VIPR2: variants seen among roughly 807,000 people sequenced by gnomAD.
VIPR2 encodes the protein vasoactive intestinal polypeptide receptor 2.
In VIPR2, 48 loss-of-function variants were observed where a neutral mutation model predicts 58.0. That is an observed-to-expected ratio of 0.83 (90% CI 0.66 to 1.05). The LOEUF (loss-of-function observed/expected upper bound fraction) is 1.05, where lower values mean the gene tolerates loss of function less well. Ranked by LOEUF, VIPR2 falls within the 50% of genes least tolerant of loss-of-function variation. The pLI is 0.00. For missense variants in VIPR2, 534 were observed against 558.0 expected (o/e 0.96, Z 0.43); for synonymous variants, 243 against 235.2 (o/e 1.03, Z -0.30).
chr7:159,076,536 G>A (rs559736311), intron 4 of VIPR2, among the ~76,000 whole-genome samples: 3 of 152,288 alleles, frequency 2.0e-5, no homozygotes, highest in African/African-American at 7.2e-5. Flanking sequence ...AGCAAGTTTT[G>A]TATTATTGTA....
chr7:159,106,134 C>T (rs1858633229), intron 3 of VIPR2, among the ~76,000 whole-genome samples: 1 of 152,252 alleles, frequency 6.6e-6, no homozygotes, highest in South Asian at 2.1e-4. Context: ...AGCCTGGAAG[C>T]CAGGACCTCG....
intron 2 of VIPR2, among the ~76,000 whole-genome samples, chr7:159,119,731 G>A (rs750088285): frequency 1.6e-4 from 24 of 152,248 alleles, no homozygotes; most frequent in Non-Finnish European, 2.2e-4. Flanking sequence ...CCAGGGTGGG[G>A]TCAGGTGGGC....
Position 159,141,146 on chromosome 7 carries a change from G to A in VIPR2, c.151+1300C>T, listed in dbSNP as rs191487318. ...AAGGACCTCCCATGGCCACGCTGCT[G>A]CTTCTGCCGTGGCAGACTGGCTGCC... On this transcript the variant is annotated intron_variant, in intron 2 of 12. Coordinates refer to ENST00000262178, the MANE Select transcript of VIPR2 (RefSeq NM_003382.5). Among the ~76,000 whole-genome samples the A allele has an allele frequency of 2.2e-4, 34 of 152,322 alleles. 1 individual carries two copies. In the East Asian group the frequency reaches 6.0e-3, roughly 27 times the overall value.
At chr7:159,059,415 T>C (rs2129494036) in intron 4 of VIPR2, 2 of 461,398 alleles carry the variant, frequency 4.3e-6, no homozygotes, top group South Asian at 1.6e-5. Flanking sequence ...TTTATTTTTG[T>C]CAAGAGGCCC....
At chr7:159,057,914 C>T (rs1451968884) in intron 5 of VIPR2, among the ~76,000 whole-genome samples, 1 of 152,314 alleles carries the variant, frequency 6.6e-6, no homozygotes. Flanking sequence ...TTAATAAGCC[C>T]TCATCACAAC....
In VIPR2 at chr7:159,030,558, G is replaced by A. The variant is rs1346423851; in HGVS notation, c.*58C>T. 6.1e-6 allele frequency: 9 copies of A among 1,471,644 alleles called. No individual in the cohort carries two copies. The highest frequency in any genetic ancestry group is 8.1e-6 in the Non-Finnish European group (9 of 1,107,582). The allele number at this position is 1,471,644 out of a possible 1,614,324, so 91.2% of individuals were successfully genotyped here. ...CTGGAAGGAGGAAGCCGGCGTCTCA[G>A]CCCCGCAGAAGCCCCGAACCGTGGG... On this transcript the variant is annotated 3_prime_UTR_variant, in exon 13 of 13. Coordinates refer to ENST00000262178, the MANE Select transcript of VIPR2 (RefSeq NM_003382.5).
chr7:159,140,333 C>T (rs990016227), intron 2 of VIPR2, among the ~76,000 whole-genome samples: 2 of 152,198 alleles, frequency 1.3e-5, no homozygotes, highest in East Asian at 1.9e-4. Flanking sequence ...AGACGCCTGC[C>T]TCAGCCTCAG....
rs1857629019 is a variant in VIPR2 at position 159,093,656 on chromosome 7, C to G, written c.357+10101G>C. Among the ~76,000 whole-genome samples, 1 of 152,098 alleles carries G rather than the reference C, an allele frequency of 6.6e-6. No individual in the cohort carries two copies. The highest frequency in any genetic ancestry group is 1.9e-4 in the East Asian group (1 of 5,178). On this transcript the variant is annotated intron_variant, in intron 4 of 12. Transcript: ENST00000262178. The surrounding 1 kb of genome is among the most constrained non-coding windows in gnomAD (Gnocchi z 6.7). ...CAGGTGCCCACAGCGTCCCTGGGTC[C>G]AGACATGGAAGACCCCACAGCGTCC...
chr7:159,117,051 T>C, intron 2 of VIPR2: 1 of 460,900 alleles, frequency 2.2e-6, no homozygotes, highest in South Asian at 3.7e-5. Context: ...TATACTCCAT[T>C]TTGTCCTCCC....
At chr7:159,071,130 G>T (rs1427845437) in intron 4 of VIPR2, among the ~76,000 whole-genome samples, 3 of 152,232 alleles carry the variant, frequency 2.0e-5, no homozygotes, top group Admixed American at 1.3e-4. Context: ...GGGTTGCACA[G>T]ACATTCATTC....
At chr7:159,049,038 T>C (rs530707702) in intron 5 of VIPR2, among the ~76,000 whole-genome samples, 1 of 152,324 alleles carries the variant, frequency 6.6e-6, no homozygotes, top group South Asian at 2.1e-4. Context: ...CTGCACCCTC[T>C]GTGGACTCTG....
At chr7:159,040,007 G>A (rs964602663) in intron 6 of VIPR2, among the ~76,000 whole-genome samples, 5 of 152,368 alleles carry the variant, frequency 3.3e-5, no homozygotes, top group Non-Finnish European at 7.3e-5. Flanking sequence ...TCTGCTGAAG[G>A]AGCAAAGAGG....
chr7:159,035,245 C>CG (rs1001253578), intron 8 of VIPR2, among the ~76,000 whole-genome samples: 9 of 152,128 alleles, frequency 5.9e-5, no homozygotes, highest in African/African-American at 2.2e-4. Flanking sequence ...TGCTTTCCCT[C>CG]GGGGGCCGAG....
At chr7:159,066,789 A>C (rs991933197) in intron 4 of VIPR2, among the ~76,000 whole-genome samples, 1 of 152,260 alleles carries the variant, frequency 6.6e-6, no homozygotes, top group Non-Finnish European at 1.5e-5. Context: ...ATACTGATAA[A>C]TACTTAGCAA....
intron 2 of VIPR2, among the ~76,000 whole-genome samples, chr7:159,139,208 G>C (rs1251454121): frequency 6.6e-6 from 1 of 152,184 alleles, no homozygotes; most frequent in Non-Finnish European, 1.5e-5. Flanking sequence ...AGGAGAGTTC[G>C]ATAATTAAGA....
rs114470798 is a variant in VIPR2 at position 159,133,720 on chromosome 7, T to C, written c.151+8726A>G. On this transcript the variant is annotated intron_variant, in intron 2 of 12. Transcript: ENST00000262178. ...ATATTACCCTACCTTCTGATGTTAT[T>C]ATTAGAGATAACATATAAACGAGAT... Among the ~76,000 whole-genome samples, 1,448 of 152,364 alleles carry C rather than the reference T, an allele frequency of 9.5e-3. 20 individuals are homozygous for C. Among genetic ancestry groups the C allele is most frequent in the African/African-American group, 0.032 (1,348 of 41,584 alleles).
At chr7:159,052,800 G>A (rs1180973471) in intron 5 of VIPR2, among the ~76,000 whole-genome samples, 2 of 152,082 alleles carry the variant, frequency 1.3e-5, no homozygotes, top group African/African-American at 2.4e-5. Flanking sequence ...CCATATGTAT[G>A]TACATAAAAA....
At chr7:159,081,534 A>G (rs1360190967) in intron 4 of VIPR2, among the ~76,000 whole-genome samples, 1 of 152,246 alleles carries the variant, frequency 6.6e-6, no homozygotes, top group African/African-American at 2.4e-5. Context: ...AACCTAGGCA[A>G]TACCATTGAG....
chr7:159,125,397 A>G (rs1043846899), intron 2 of VIPR2, among the ~76,000 whole-genome samples: 20 of 152,138 alleles, frequency 1.3e-4, no homozygotes, highest in Admixed American at 7.2e-4. Context: ...CTGGGTGAGG[A>G]GGACACAAGG....
Sources: gnomAD v4.1 joint callset for allele counts (sites outside exome capture counted in the v4.1 genomes callset) on GRCh38, gnomAD v4.1.1 for gene constraint, Gnocchi (gnomAD v3.1) non-coding constraint, MANE v1.5 for transcripts, NCBI Gene and HGNC (gene_info 2026-07-23, HGNC 2026-07-21) for gene names.